The following CLDN17 variants were observed in gnomAD, a reference collection of about 807,000 sequenced individuals.
The protein encoded by CLDN17 is claudin 17, also known as claudin-17.
Under a neutral mutation model 0.1 loss-of-function variants are expected in CLDN17, and 1 was observed. The ratio of observed to expected loss-of-function variants is 8.90; its 90% CI spans 3.16 to 42.21. The LOEUF (loss-of-function observed/expected upper bound fraction) is 42.21, where lower values mean the gene tolerates loss of function less well. CLDN17 is among the 30% of genes most tolerant of loss of function. The pLI, the probability that CLDN17 is intolerant of heterozygous loss-of-function variation, is 0.11. For synonymous variants in CLDN17, 134 were observed against 106.7 expected (o/e 1.26, Z -1.58); for missense variants, 294 against 274.9 (o/e 1.07, Z -0.49).
rs760903403 is a variant in CLDN17 at position 30,166,289 on chromosome 21, G to A, written c.329C>T (p.Ser110Phe). The A allele has an allele frequency of 1.2e-6, 2 of 1,614,126 alleles. No homozygotes were observed. Among genetic ancestry groups the A allele is most frequent in the South Asian group, 1.1e-5 (1 of 91,082 alleles). Residue 110 changes from serine to phenylalanine, a missense_variant, in exon 1 of 1, where the codon TCT becomes TTT. By Grantham distance (155) the Ser-to-Phe change is radical. Coordinates refer to ENST00000286808, the MANE Select transcript of CLDN17 (RefSeq NM_012131.3). ...AAGGTATGCTTTGGCCCTCTCGTTAGAGCCTGTGCACTGGACCTGCTTCAT... is the reference window on the plus strand; with the variant it reads ...AAGGTATGCTTTGGCCCTCTCGTTAAAGCCTGTGCACTGGACCTGCTTCAT... Reference protein sequence around the residue: ...CGMKQVQCTGSNERAKAYLLG... With the variant: ...CGMKQVQCTGFNERAKAYLLG...
chr21:30,165,704 T>C lies in CLDN17; in HGVS notation c.*239A>G, dbSNP rs1340732017. On this transcript the variant is annotated 3_prime_UTR_variant, in exon 1 of 1. Transcript: ENST00000286808. ...TAATGATTATGGGTATACTTGAATT[T>C]AGAATATGAAAATTGGAGCAGCGAT... The C allele has an allele frequency of 1.4e-5, 8 of 562,640 alleles. No homozygotes were observed. Among genetic ancestry groups the C allele is most frequent in the Non-Finnish European group, 2.5e-5 (8 of 318,406 alleles). The allele number at this position is 562,640 out of a possible 1,614,324, so 34.9% of individuals were successfully genotyped here. A position where few individuals can be genotyped will look rare whatever the true frequency, so the allele number is the denominator to read the frequency against.
Position 30,166,781 on chromosome 21 carries a change from C to G in CLDN17, c.-164G>C, listed in dbSNP as rs1980861006. 1.6e-6 allele frequency: 1 copy of G among 618,942 alleles called. No homozygotes were observed. The highest frequency in any genetic ancestry group is 3.2e-5 in the Admixed American group (1 of 31,684). The allele number at this position is 618,942 out of a possible 1,614,324, so 38.3% of individuals were successfully genotyped here. A position where few individuals can be genotyped will look rare whatever the true frequency, so the allele number is the denominator to read the frequency against. On this transcript the variant is annotated 5_prime_UTR_variant, in exon 1 of 1. Transcript: ENST00000286808. ...GTAGCTGTGACTGAACTTGGCCTAA[C>G]TAGAAGTACCTGTTGTAAATGCATG...
rs1472453051 is a variant in CLDN17, at chr21:30,166,588, C to G, written c.30G>C (p.Gly10=). The G allele has an allele frequency of 2.7e-5, 43 of 1,612,488 alleles. No homozygotes were observed. Among genetic ancestry groups the G allele is most frequent in the Non-Finnish European group, 3.4e-5 (40 of 1,179,480 alleles). The part of the protein sequence containing the change: MAFYPLQIA[G]LVLGFLGMVG... ...CCATGCCAAGGAACCCAAGAACCAG[C>G]CCAGCAATTTGCAAGGGATAAAATG... Residue 10 remains glycine (G), a synonymous_variant, in exon 1 of 1, where the codon GGG becomes GGC. Transcript: ENST00000286808.
Position 30,165,986 on chromosome 21 carries a change from C to CTTCGCTT in CLDN17, c.625_631dup (p.Arg211LysfsTer9), listed in dbSNP as rs749537388. 28 of 1,614,026 alleles carry CTTCGCTT rather than the reference C, an allele frequency of 1.7e-5. No individual in the cohort carries two copies. Among genetic ancestry groups the CTTCGCTT allele is most frequent in the African/African-American group, 1.3e-5 (1 of 74,922 alleles). ...GGTCTTACTAAGCATTGTCGTATTTCTTCGCTTATCTGTGTGTGGCACACG... is the reference window on the plus strand; with the variant it reads ...GGTCTTACTAAGCATTGTCGTATTTCTTCGCTTTTCGCTTATCTGTGTGTGGCACACG... On this transcript the variant is annotated frameshift_variant, in exon 1 of 1. Coordinates refer to ENST00000286808, the MANE Select transcript of CLDN17 (RefSeq NM_012131.3). LOFTEE classifies it high-confidence loss of function.
Position 30,166,096 on chromosome 21 carries a change from G to A in CLDN17, c.522C>T (p.Val174=). The A allele has an allele frequency of 6.2e-7, 1 of 1,614,160 alleles. No individual in the cohort carries two copies. ...ALFLGWASAA[V]LFIGGGLLCG... ...AAAGCAGACCCCCTCCAATGAAGAG[G>A]ACAGCAGCGCTTGCCCAGCCAAGGA... Residue 174 remains valine, a synonymous_variant, in exon 1 of 1, where the codon GTC becomes GTT. Coordinates refer to ENST00000286808, the MANE Select transcript of CLDN17 (RefSeq NM_012131.3).
chr21:30,166,199 G>A lies in CLDN17; in HGVS notation c.419C>T (p.Thr140Ile). ...GAAATCTCTGATGATTATATTGGCT[G>A]TCCAGCTCACCGGAATCAGAACGAA... ...GIFVLIPVSW[T>I]ANIIIRDFYN... Residue 140 changes from threonine (T) to isoleucine (I), a missense_variant, in exon 1 of 1, where the codon ACA (threonine) becomes ATA (isoleucine). By Grantham distance (89) the Thr-to-Ile change is moderately conservative (BLOSUM62 -1). Transcript: ENST00000286808. The A allele has an allele frequency of 1.2e-6, 2 of 1,614,180 alleles. No individual in the cohort carries two copies. The highest frequency in any genetic ancestry group is 1.7e-6 in the Non-Finnish European group (2 of 1,180,040).
At position 30,166,547 on chromosome 21, in the gene CLDN17, G is replaced by T. The variant is rs200995273; in HGVS notation, c.71C>A (p.Thr24Lys). Residue 24 changes from threonine to lysine, a missense_variant, in exon 1 of 1, where the codon ACA becomes AAA. Physicochemically the swap from Thr to Lys is moderately conservative, Grantham distance 78 (BLOSUM62 -1). Coordinates refer to ENST00000286808, the MANE Select transcript of CLDN17 (RefSeq NM_012131.3). Reference protein sequence around the residue: ...GFLGMVGTLATTLLPQWRVSA... With the variant: ...GFLGMVGTLAKTLLPQWRVSA... ...TACTCTCCACTGAGGCAGAAGGGTT[G>T]TGGCAAGAGTCCCCACCATGCCAAG... 116 of 1,614,168 alleles carry T rather than the reference G, an allele frequency of 7.2e-5. No individual in the cohort carries two copies. In the East Asian group the frequency reaches 2.4e-3, roughly 33 times the overall value.
Position 30,166,227 on chromosome 21 carries a change from T to C in CLDN17, c.391A>G (p.Ile131Val). The C allele has an allele frequency of 6.2e-7, 1 of 1,614,196 alleles. No homozygotes were observed. Among genetic ancestry groups the C allele is most frequent in the East Asian group, 2.2e-5 (1 of 44,868 alleles). Residue 131 changes from isoleucine to valine, a missense_variant, in exon 1 of 1, where the codon ATC becomes GTC. Coordinates refer to ENST00000286808, the MANE Select transcript of CLDN17 (RefSeq NM_012131.3). The stretch of plus-strand genomic sequence containing the variant: ...CAGCTCACCGGAATCAGAACGAAGA[T>C]GCCCGTCAGGATGAAGAGGACTCCT... ...TSGVLFILTG[I>V]FVLIPVSWTA...
rs534314602 is a variant in CLDN17, at chr21:30,166,309, C to T, written c.309G>A (p.Lys103=). Reference sequence around the variant, plus strand: ...CGTTAGAGCCTGTGCACTGGACCTGCTTCATGCCACAGATGCCAATAAGCA... The same window carrying T: ...CGTTAGAGCCTGTGCACTGGACCTGTTTCATGCCACAGATGCCAATAAGCA... The part of the protein sequence containing the change: ...IALLIGICGM[K]QVQCTGSNER... The change falls in exon 1 of 1, where the codon AAG becomes AAA. Residue 103 remains lysine (K), a synonymous_variant. Coordinates refer to ENST00000286808, the MANE Select transcript of CLDN17 (RefSeq NM_012131.3). 6.2e-6 allele frequency: 10 copies of T among 1,614,172 alleles called. No homozygotes were observed. The South Asian group carries it at 8.8e-5, about 14-fold the overall frequency.
chr21:30,166,292 C>T lies in CLDN17; in HGVS notation c.326G>A (p.Gly109Asp), dbSNP rs370125987. ...ICGMKQVQCTGSNERAKAYLL... is the reference protein window; with the variant it reads ...ICGMKQVQCTDSNERAKAYLL... ...GTATGCTTTGGCCCTCTCGTTAGAG[C>T]CTGTGCACTGGACCTGCTTCATGCC... is the stretch of plus-strand genomic sequence containing the variant. Residue 109 changes from glycine (G) to aspartate (D), a missense_variant, in exon 1 of 1, where the codon GGC (glycine) becomes GAC (aspartate). Transcript: ENST00000286808. 1.8e-5 allele frequency: 29 copies of T among 1,614,172 alleles called. No homozygotes were observed. The Middle Eastern group carries it at 6.6e-4, about 37-fold the overall frequency.
In CLDN17 at chr21:30,166,587, G is replaced by A; in HGVS notation, c.31C>T (p.Leu11=). Residue 11 remains leucine (L), a synonymous_variant, in exon 1 of 1, where the codon CTG becomes TTG. Coordinates refer to ENST00000286808, the MANE Select transcript of CLDN17 (RefSeq NM_012131.3). ...ACCATGCCAAGGAACCCAAGAACCA[G>A]CCCAGCAATTTGCAAGGGATAAAAT... MAFYPLQIAG[L]VLGFLGMVGT... 6.2e-7 allele frequency: 1 copy of A among 1,612,820 alleles called. No individual in the cohort carries two copies.
rs1346572580 is a variant in CLDN17 at position 30,166,791 on chromosome 21, C to A, written c.-174G>T. 4 of 605,880 alleles carry A rather than the reference C, an allele frequency of 6.6e-6. No homozygotes were observed. In the East Asian group the frequency reaches 1.1e-4, roughly 17 times the overall value. The allele number at this position is 605,880 out of a possible 1,614,324, so 37.5% of individuals were successfully genotyped here. On this transcript the variant is annotated 5_prime_UTR_variant, in exon 1 of 1. It adds an upstream start codon to the 5' untranslated region. Coordinates refer to ENST00000286808, the MANE Select transcript of CLDN17 (RefSeq NM_012131.3). Reference sequence around the variant, plus strand: ...CTGAACTTGGCCTAACTAGAAGTACCTGTTGTAAATGCATGTTGCCTTTTT... The same window carrying A: ...CTGAACTTGGCCTAACTAGAAGTACATGTTGTAAATGCATGTTGCCTTTTT...
At position 30,165,587 on chromosome 21, in the gene CLDN17, ATTG is replaced by A; in HGVS notation, c.*353_*355del. On this transcript the variant is annotated 3_prime_UTR_variant, in exon 1 of 1. Coordinates refer to ENST00000286808, the MANE Select transcript of CLDN17 (RefSeq NM_012131.3). ...ACATTTTAGAATAGGTATATGTTTT[ATTG>A]TTATAGAATATCAATTTCAACTTTA... The A allele has an allele frequency of 4.2e-6, 1 of 237,578 alleles. No individual in the cohort carries two copies. The highest frequency in any genetic ancestry group is 8.1e-6 in the Non-Finnish European group (1 of 122,840). 14.7% of individuals were successfully genotyped at this position (237,578 alleles called of 1,614,324 possible). A position where few individuals can be genotyped will look rare whatever the true frequency, so the allele number is the denominator to read the frequency against.
rs143449409 is a variant in CLDN17 at position 30,165,609 on chromosome 21, A to G, written c.*334T>C. The stretch of plus-strand genomic sequence containing the variant: ...TTTATTGTTATAGAATATCAATTTC[A>G]ACTTTAGATTCTTATCAGATAATAC... On this transcript the variant is annotated 3_prime_UTR_variant, in exon 1 of 1. Transcript: ENST00000286808. 1.4e-4 allele frequency: 41 copies of G among 286,390 alleles called. No homozygotes were observed. Among genetic ancestry groups the G allele is most frequent in the African/African-American group, 7.0e-4 (32 of 45,486 alleles). The allele number at this position is 286,390 out of a possible 1,614,324, so 17.7% of individuals were successfully genotyped here.
rs1228765817 is a variant in CLDN17, at chr21:30,166,635, CT to C, written c.-19del. 1 of 1,590,794 alleles carries C rather than the reference CT, an allele frequency of 6.3e-7. No individual in the cohort carries two copies. The highest frequency in any genetic ancestry group is 2.2e-5 in the East Asian group (1 of 44,770). ...AATGCCATTGCCTTTACTTTGAAGA[CT>C]GGTTCAATTCGGAGTGGTAGAAGAT... On this transcript the variant is annotated 5_prime_UTR_variant, in exon 1 of 1. Transcript: ENST00000286808.
rs1472453051 is a variant in CLDN17, at chr21:30,166,588, C to A, written c.30G>T (p.Gly10=). Reference sequence around the variant, plus strand: ...CCATGCCAAGGAACCCAAGAACCAGCCCAGCAATTTGCAAGGGATAAAATG... The same window carrying A: ...CCATGCCAAGGAACCCAAGAACCAGACCAGCAATTTGCAAGGGATAAAATG... MAFYPLQIA[G]LVLGFLGMVG... Residue 10 remains glycine (G), a synonymous_variant, in exon 1 of 1, where the codon GGG becomes GGT. Transcript: ENST00000286808. 2 of 1,612,488 alleles carry A rather than the reference C, an allele frequency of 1.2e-6. No homozygotes were observed. Among genetic ancestry groups the A allele is most frequent in the South Asian group, 1.1e-5 (1 of 90,886 alleles).
rs1321765503 is a variant in CLDN17 at position 30,165,761 on chromosome 21, A to C, written c.*182T>G. ...CAACAATAGTCAATGCATTTAATAC[A>C]CCTGAAGTCAGAATGTCCAAGTAAG... On this transcript the variant is annotated 3_prime_UTR_variant, in exon 1 of 1. Transcript: ENST00000286808. The C allele has an allele frequency of 1.6e-6, 1 of 624,462 alleles. No homozygotes were observed. Among genetic ancestry groups the C allele is most frequent in the Non-Finnish European group, 2.8e-6 (1 of 359,970 alleles). 38.7% of individuals were successfully genotyped at this position (624,462 alleles called of 1,614,324 possible).
rs773823219 is a variant in CLDN17 at position 30,166,436 on chromosome 21, C to T, written c.182G>A (p.Arg61Gln). ...GGAGCTATAGAACTTGCATTGCAAC[C>T]GGACCCTGGCTTGTCGGATGCAATT... ...WMNCIRQARV[R>Q]LQCKFYSSLL... The change falls in exon 1 of 1, where the codon CGG (arginine) becomes CAG (glutamine). Residue 61 changes from arginine to glutamine, a missense_variant. Arg to Gln is a conservative substitution (Grantham distance 43). Transcript: ENST00000286808. 5.0e-6 allele frequency: 8 copies of T among 1,613,946 alleles called. No individual in the cohort carries two copies. The highest frequency in any genetic ancestry group is 1.6e-4 in the Middle Eastern group (1 of 6,082).
chr21:30,166,237 G>A lies in CLDN17; in HGVS notation c.381C>T (p.Ile127=). The A allele has an allele frequency of 1.1e-5, 17 of 1,614,168 alleles. No homozygotes were observed. The highest frequency in any genetic ancestry group is 1.4e-5 in the Non-Finnish European group (17 of 1,180,024). ...GAATCAGAACGAAGATGCCCGTCAG[G>A]ATGAAGAGGACTCCTGAAGTTCCCA... ...YLLGTSGVLF[I]LTGIFVLIPV... The change falls in exon 1 of 1, where the codon ATC becomes ATT. Residue 127 remains isoleucine, a synonymous_variant. Transcript: ENST00000286808.
Sources: allele counts gnomAD v4.1 joint callset, GRCh38; gene constraint gnomAD v4.1.1; transcripts MANE v1.5; gene names NCBI Gene and HGNC (gene_info 2026-07-23, HGNC 2026-07-21).